DCC: variants seen among roughly 807,000 people sequenced by gnomAD.
DCC encodes the protein netrin receptor DCC.
Under a neutral mutation model 172.5 loss-of-function variants are expected in DCC, and 58 were observed. The observed-to-expected ratio is 0.34, with a 90% CI of 0.27 to 0.42. DCC has a LOEUF of 0.42. Ranked by LOEUF, DCC falls within the 10% of genes least tolerant of loss-of-function variation. The pLI is 1.00. For missense variants in DCC, 1,740 were observed against 1,791.0 expected (o/e 0.97, Z 0.51); for synonymous variants, 709 against 644.5 (o/e 1.10, Z -1.52).
At chr18:52,984,134 G>T (rs1362421481) in intron 5 of DCC, among the ~76,000 whole-genome samples, 2 of 152,006 alleles carry the variant, frequency 1.3e-5, no homozygotes, top group African/African-American at 4.8e-5. Flanking sequence ...ATGTCCCAAT[G>T]AGCTATATAG....
At chr18:53,492,313 G>C (rs1316523241) in intron 26 of DCC, among the ~76,000 whole-genome samples, 4 of 151,970 alleles carry the variant, frequency 2.6e-5, no homozygotes, top group African/African-American at 9.7e-5. Flanking sequence ...TCTTTAATTA[G>C]ATCCCTTTTG....
At position 52,439,176 on chromosome 18, in the gene DCC, G is replaced by T. The variant is rs12456292; in HGVS notation, c.91+98298G>T. Reference sequence around the variant, plus strand: ...GTTAATATTTTGGAAGATATGTTTTGTGTGTGTGTGTGTGTGTGTGTGTGT... The same window carrying T: ...GTTAATATTTTGGAAGATATGTTTTTTGTGTGTGTGTGTGTGTGTGTGTGT... On this transcript the variant is annotated intron_variant, in intron 1 of 28. Transcript: ENST00000442544. 4.4e-4 allele frequency among the ~76,000 whole-genome samples: 29 copies of T among 66,138 alleles called. No individual in the cohort carries two copies. In the East Asian group the frequency reaches 8.7e-3, roughly 20 times the overall value. 43.4% of individuals were successfully genotyped at this position (66,138 alleles called of 152,430 possible).
chr18:52,843,268 T>C (rs1338646017), intron 2 of DCC, among the ~76,000 whole-genome samples: 1 of 152,210 alleles, frequency 6.6e-6, no homozygotes, highest in Non-Finnish European at 1.5e-5. Flanking sequence ...AATTCAAGGA[T>C]GATTTAGCTT....
At chr18:52,898,181 G>A (rs1373519543) in intron 2 of DCC, among the ~76,000 whole-genome samples, 1 of 152,194 alleles carries the variant, frequency 6.6e-6, no homozygotes, top group African/African-American at 2.4e-5. Context: ...AGCAAGGCGT[G>A]TTTCCAACCC....
chr18:53,374,510 C>G (rs111980410), intron 15 of DCC, among the ~76,000 whole-genome samples: 2 of 152,050 alleles, frequency 1.3e-5, no homozygotes, highest in East Asian at 3.8e-4. Context: ...AAGATGTCAC[C>G]CATTGAAGAC....
chr18:53,076,912 C>A (rs978172921), intron 7 of DCC, among the ~76,000 whole-genome samples: 3 of 152,112 alleles, frequency 2.0e-5, no homozygotes, highest in Non-Finnish European at 2.9e-5. Flanking sequence ...AGAGCCCATG[C>A]CAGTGAGCAA....
intron 5 of DCC, among the ~76,000 whole-genome samples, chr18:53,049,515 G>T (rs937919582): frequency 1.3e-5 from 2 of 151,688 alleles, no homozygotes; most frequent in East Asian, 1.9e-4. Flanking sequence ...ATTATTTCTG[G>T]GCTCTCTATT....
chr18:53,292,511 AC>A (rs2144752506), intron 12 of DCC, among the ~76,000 whole-genome samples: 1 of 152,210 alleles, frequency 6.6e-6, no homozygotes, highest in African/African-American at 2.4e-5. Flanking sequence ...AAATGGCAAA[AC>A]CCTGTCTCCA....
intron 1 of DCC, among the ~76,000 whole-genome samples, chr18:52,629,452 G>A (rs905045229): frequency 1.3e-5 from 2 of 152,148 alleles, no homozygotes; most frequent in Non-Finnish European, 2.9e-5. Context: ...AGATACTGGA[G>A]GGTGGATTAG....
At position 52,594,735 on chromosome 18, in the gene DCC, A is replaced by G. The variant is rs201458270; in HGVS notation, c.92-157319A>G. ...GGCAGAAGATGAAGTGGGAGCAGGC[A>G]CATCACATGGCAAAAACAGGAGCAA... is the stretch of plus-strand genomic sequence containing the variant. On this transcript the variant is annotated intron_variant, in intron 1 of 28. Transcript: ENST00000442544. Among the ~76,000 whole-genome samples the G allele has an allele frequency of 3.9e-5, 6 of 152,156 alleles. No homozygotes were observed. The East Asian group carries it at 1.2e-3, about 29-fold the overall frequency.
chr18:53,179,937 A>G (rs1448753954), intron 9 of DCC, among the ~76,000 whole-genome samples: 1 of 152,248 alleles, frequency 6.6e-6, no homozygotes, highest in Non-Finnish European at 1.5e-5. Context: ...GCCTTATGTT[A>G]AACACCTAAC....
At chr18:53,159,418 C>T (rs1218394574) in intron 8 of DCC, among the ~76,000 whole-genome samples, 4 of 152,164 alleles carry the variant, frequency 2.6e-5, no homozygotes, top group African/African-American at 9.7e-5. Context: ...ATAGCTCAGC[C>T]ATGCTTCCTT....
At chr18:52,383,006 C>T (rs919093162) in intron 1 of DCC, among the ~76,000 whole-genome samples, 1 of 152,096 alleles carries the variant, frequency 6.6e-6, no homozygotes, top group South Asian at 2.1e-4. Context: ...ATGATATAGG[C>T]ATATTAAAAT....
chr18:52,369,525 A>G (rs1985024326), intron 1 of DCC, among the ~76,000 whole-genome samples: 5 of 152,016 alleles, frequency 3.3e-5, no homozygotes, highest in Non-Finnish European at 7.4e-5. Flanking sequence ...CCCGGGGATC[A>G]TGCTCATGAT....
chr18:52,962,034 G>C (rs1410857470), intron 5 of DCC, among the ~76,000 whole-genome samples: 1 of 152,070 alleles, frequency 6.6e-6, no homozygotes, highest in Non-Finnish European at 1.5e-5. Flanking sequence ...ATACCATTCA[G>C]GACATAGGCA....
chr18:53,236,567 C>G lies in DCC; in HGVS notation c.1911+20970C>G, dbSNP rs558528239. Reference sequence around the variant, plus strand: ...TACAAATTGGCGGCTTACCTTTTTACTTTTTTAATGCTGTCTTTTGATGAG... The same window carrying G: ...TACAAATTGGCGGCTTACCTTTTTAGTTTTTTAATGCTGTCTTTTGATGAG... On this transcript the variant is annotated intron_variant, in intron 12 of 28. Transcript: ENST00000442544. Among the ~76,000 whole-genome samples, 23 of 152,056 alleles carry G rather than the reference C, an allele frequency of 1.5e-4. No individual in the cohort carries two copies. The South Asian group carries it at 4.8e-3, about 32-fold the overall frequency.
intron 8 of DCC, among the ~76,000 whole-genome samples, chr18:53,158,857 G>A (rs1179780330): frequency 1.3e-5 from 2 of 151,748 alleles, no homozygotes; most frequent in South Asian, 2.1e-4. Context: ...GCTGGGCATG[G>A]TGGCGCGCAC....
chr18:52,610,470 G>C (rs2034256594), intron 1 of DCC, among the ~76,000 whole-genome samples: 1 of 148,808 alleles, frequency 6.7e-6, no homozygotes, highest in African/African-American at 2.5e-5. Flanking sequence ...TTCTGTGGGG[G>C]AGAGTTGGTG....
intron 1 of DCC, among the ~76,000 whole-genome samples, chr18:52,555,170 T>C (rs2032880198): frequency 6.6e-6 from 1 of 152,066 alleles, no homozygotes. Context: ...TCTGTCATAA[T>C]AGGTTTTGAC....
Sources: allele counts gnomAD v4.1 joint callset (sites outside exome capture counted in the v4.1 genomes callset), GRCh38; gene constraint gnomAD v4.1.1; transcripts MANE v1.5; gene names NCBI Gene and HGNC (gene_info 2026-07-23, HGNC 2026-07-21).